Variants in CNNM2 observed in about 807,000 individuals in gnomAD.
CNNM2 encodes the protein metal transporter CNNM2.
A neutral mutation model predicts 66.9 loss-of-function variants in CNNM2; 12 were observed. The observed-to-expected ratio is 0.18, with a 90% CI of 0.11 to 0.29. The LOEUF (loss-of-function observed/expected upper bound fraction) is 0.29. CNNM2 is among the 10% of genes least tolerant of loss of function. The pLI is 1.00. For missense variants in CNNM2, 705 were observed against 1,167.7 expected (o/e 0.60, Z 5.77); for synonymous variants, 557 against 501.8 (o/e 1.11, Z -1.47).
chr10:102,950,175 T>C (rs1590296365), intron 1 of CNNM2, among the ~76,000 whole-genome samples: 1 of 152,276 alleles, frequency 6.6e-6, no homozygotes, highest in African/African-American at 2.4e-5. Flanking sequence ...TGTGGTAATA[T>C]TTCCTGAACA....
Position 103,089,566 on chromosome 10 carries a change from G to T in CNNM2, c.*12386G>T. ...GAAACTTTTCAGACGTACCTTTCATGGAGCCCCCTCCCTCCCCCGAGTAGA... is the reference window on the plus strand; with the variant it reads ...GAAACTTTTCAGACGTACCTTTCATTGAGCCCCCTCCCTCCCCCGAGTAGA... On this transcript the variant is annotated 3_prime_UTR_variant, in exon 8 of 8. Transcript: ENST00000369878. 7.0e-7 allele frequency: 1 copy of T among 1,423,560 alleles called. No homozygotes were observed. The highest frequency in any genetic ancestry group is 1.7e-5 in the South Asian group (1 of 59,826). The allele number at this position is 1,423,560 out of a possible 1,614,324, so 88.2% of individuals were successfully genotyped here.
intron 1 of CNNM2, among the ~76,000 whole-genome samples, chr10:102,996,107 T>A (rs2063996834): frequency 6.6e-6 from 1 of 152,252 alleles, no homozygotes; most frequent in Non-Finnish European, 1.5e-5. Flanking sequence ...CTGTGAGGTC[T>A]GTAATGGTAT....
intron 1 of CNNM2, among the ~76,000 whole-genome samples, chr10:102,957,407 A>G (rs1447201766): frequency 1.3e-5 from 2 of 152,234 alleles, no homozygotes; most frequent in African/African-American, 4.8e-5. Flanking sequence ...GCAAAGGTGA[A>G]GATGAGAGAA....
rs544776006 is a variant in CNNM2, at chr10:103,088,767, T to G, written c.*11587T>G. The G allele has an allele frequency of 1.1e-5, 2 of 181,422 alleles. No homozygotes were observed. The highest frequency in any genetic ancestry group is 2.0e-4 in the South Asian group (1 of 5,068). 11.2% of individuals were successfully genotyped at this position (181,422 alleles called of 1,614,324 possible). On this transcript the variant is annotated 3_prime_UTR_variant, in exon 8 of 8. Transcript: ENST00000369878. ...TAAGGTTCTGGCTTACAGAGCCCTC[T>G]TCCCATCCTCTGATGTTCAATTTTA...
intron 1 of CNNM2, among the ~76,000 whole-genome samples, chr10:102,981,184 A>G (rs75275687): frequency 6.8e-6 from 1 of 146,954 alleles, no homozygotes; most frequent in Non-Finnish European, 1.5e-5. Context: ...CTATCTCTAC[A>G]AAAAAAAATT....
At chr10:103,032,661 CTTTTT>C (rs11300982) in intron 1 of CNNM2, among the ~76,000 whole-genome samples, 5 of 120,586 alleles carry the variant, frequency 4.1e-5, no homozygotes, top group Non-Finnish European at 6.7e-5. Flanking sequence ...TGATGTAGCT[CTTTTT>C]TTTTTTTTTT....
At chr10:103,004,871 A>G (rs2064195757) in intron 1 of CNNM2, among the ~76,000 whole-genome samples, 1 of 152,126 alleles carries the variant, frequency 6.6e-6, no homozygotes, top group African/African-American at 2.4e-5. Flanking sequence ...AACCTGCTGG[A>G]TTTTTGATTT....
intron 1 of CNNM2, among the ~76,000 whole-genome samples, chr10:102,921,622 A>G (rs1845641846): frequency 6.6e-6 from 1 of 152,188 alleles, no homozygotes; most frequent in Admixed American, 6.5e-5. Context: ...TCATTCTTTC[A>G]CCACTAAGTT....
intron 1 of CNNM2, among the ~76,000 whole-genome samples, chr10:102,962,179 G>T (rs898941658): frequency 1.3e-5 from 2 of 152,100 alleles, no homozygotes; most frequent in African/African-American, 4.8e-5. Flanking sequence ...GGGGGTGGTG[G>T]GGTAGGGAGA....
At chr10:102,981,692 C>G (rs942411970) in intron 1 of CNNM2, among the ~76,000 whole-genome samples, 1 of 151,958 alleles carries the variant, frequency 6.6e-6, no homozygotes, top group Non-Finnish European at 1.5e-5. Context: ...CACGCCTGAC[C>G]AGGGATGGTA....
intron 1 of CNNM2, among the ~76,000 whole-genome samples, chr10:103,042,580 C>T (rs2065061295): frequency 6.6e-6 from 1 of 152,286 alleles, no homozygotes; most frequent in South Asian, 2.1e-4. Flanking sequence ...GTGGTATGGG[C>T]CTGGCACATA....
At chr10:102,979,181 C>T (rs1277939610) in intron 1 of CNNM2, among the ~76,000 whole-genome samples, 1 of 152,072 alleles carries the variant, frequency 6.6e-6, no homozygotes. Context: ...TGTGTGGGTT[C>T]GGGCTTTGTA....
In CNNM2 at chr10:103,063,857, A is replaced by G. The variant is rs980584855; in HGVS notation, c.2074-4772A>G. ...ATATGTAGCTTCCTTATATGGAAAA[A>G]GTTGTTATCTGAAAGGACACCTAAT... On this transcript the variant is annotated intron_variant, in intron 4 of 7. Transcript: ENST00000369878. 3.9e-5 allele frequency among the ~76,000 whole-genome samples: 6 copies of G among 152,326 alleles called. No homozygotes were observed. In the East Asian group the frequency reaches 1.2e-3, roughly 29 times the overall value.
chr10:102,943,051 C>T (rs1564814975), intron 1 of CNNM2, among the ~76,000 whole-genome samples: 2 of 152,114 alleles, frequency 1.3e-5, no homozygotes, highest in South Asian at 2.1e-4. Context: ...ATAGTGAAAC[C>T]CCATCTCTAC....
chr10:103,058,908 G>A (rs983449169), intron 4 of CNNM2, among the ~76,000 whole-genome samples: 7 of 152,198 alleles, frequency 4.6e-5, no homozygotes, highest in African/African-American at 1.4e-4. Context: ...CTAAGCCAGC[G>A]TTGGAAGTTC....
At chr10:102,926,712 A>ATTTTTTT (rs376861078) in intron 1 of CNNM2, among the ~76,000 whole-genome samples, 1 of 113,802 alleles carries the variant, frequency 8.8e-6, no homozygotes, top group Non-Finnish European at 1.7e-5. Context: ...CACCCAGCTA[A>ATTTTTTT]TTTTTTTTTT....
At chr10:103,002,489 T>TTTC (rs1179620162) in intron 1 of CNNM2, among the ~76,000 whole-genome samples, 1 of 151,482 alleles carries the variant, frequency 6.6e-6, no homozygotes, top group East Asian at 1.9e-4. Flanking sequence ...CTTTTTTTTT[T>TTTC]TTTTTTTGAG....
At chr10:102,963,078 A>G (rs1380794532) in intron 1 of CNNM2, among the ~76,000 whole-genome samples, 1 of 152,190 alleles carries the variant, frequency 6.6e-6, no homozygotes, top group Non-Finnish European at 1.5e-5. Flanking sequence ...TGCATCTGAA[A>G]TCATATGGCC....
intron 1 of CNNM2, among the ~76,000 whole-genome samples, chr10:102,954,876 T>C (rs1328960856): frequency 6.6e-6 from 1 of 151,936 alleles, no homozygotes; most frequent in Non-Finnish European, 1.5e-5. Flanking sequence ...CTCAATGAAA[T>C]AAAAGAGGAC....
Sources: gnomAD v4.1 joint callset for allele counts (sites outside exome capture counted in the v4.1 genomes callset) on GRCh38, gnomAD v4.1.1 for gene constraint, MANE v1.5 for transcripts, NCBI Gene and HGNC (gene_info 2026-07-23, HGNC 2026-07-21) for gene names.